THOC2: variants seen among roughly 807,000 people sequenced by gnomAD.
THOC2 encodes the protein THO complex 2.
A neutral mutation model predicts 128.4 loss-of-function variants in THOC2; 10 were observed. That is an observed-to-expected ratio of 0.08 (90% CI 0.05 to 0.13). The LOEUF (loss-of-function observed/expected upper bound fraction) is 0.13. Among genes scored for constraint, THOC2 ranks in the 10% least tolerant of loss-of-function variants. The pLI is 1.00. For missense variants in THOC2, 535 were observed against 1,155.7 expected (o/e 0.46, Z 7.79); for synonymous variants, 393 against 396.9 (o/e 0.99, Z 0.12).
At chrX:123,638,760 TCTC>T (rs2047785362) in intron 17 of THOC2, among the ~76,000 whole-genome samples, 171 bp downstream of exon 17, 1 of 103,553 alleles carries the variant, frequency 9.7e-6, no homozygotes, top group African/African-American at 3.7e-5. Context: ...ACTCTCTCTC[TCTC>T]TCACATACAC....
intron 12 of THOC2, among the ~76,000 whole-genome samples, chrX:123,662,928 T>C (rs893851942): frequency 2.7e-5 from 3 of 111,989 alleles, no homozygotes; most frequent in Admixed American, 9.5e-5. Flanking sequence ...CCCACTAGAA[T>C]GACTAAAACT....
intron 3 of THOC2, among the ~76,000 whole-genome samples, chrX:123,704,085 C>T (rs1236510155): frequency 9.1e-6 from 1 of 110,476 alleles, no homozygotes; most frequent in African/African-American, 3.3e-5. Context: ...AAAACAGAAA[C>T]CTAAACAAGC....
intron 1 of THOC2, among the ~76,000 whole-genome samples, chrX:123,718,342 A>T (rs1482841343): frequency 8.9e-6 from 1 of 112,362 alleles, no homozygotes; most frequent in Non-Finnish European, 1.9e-5. Flanking sequence ...AAAAATCCTA[A>T]AAGAAAAAAT....
chrX:123,691,952 G>A (rs994685224), intron 7 of THOC2, among the ~76,000 whole-genome samples: 1 of 111,655 alleles, frequency 9.0e-6, no homozygotes, highest in South Asian at 3.7e-4. Flanking sequence ...CTGTTTTTAC[G>A]CTGTTTTTAC....
intron 7 of THOC2, among the ~76,000 whole-genome samples, chrX:123,694,152 G>A (rs1208244824): frequency 1.8e-5 from 2 of 109,617 alleles, no homozygotes; most frequent in Non-Finnish European, 3.8e-5. Flanking sequence ...CAACAAAAAA[G>A]GATATAAAGT....
At chrX:123,649,868 T>G (rs1031052379) in intron 12 of THOC2, among the ~76,000 whole-genome samples, 1 of 111,696 alleles carries the variant, frequency 9.0e-6, no homozygotes, top group Admixed American at 9.5e-5. Flanking sequence ...TGGAACCAAG[T>G]TGGAAAACAC....
In THOC2 at chrX:123,601,114, TA is replaced by T. The variant is rs1172493461; in HGVS notation, c.*242del. On this transcript the variant is annotated 3_prime_UTR_variant, in exon 39 of 39. Transcript: ENST00000245838. The stretch of plus-strand genomic sequence containing the variant: ...CATTGTGCTAAAAGTATGGAACAGT[TA>T]ACACTTTCAGCCATTACTGAAAATA... 3.6e-5 allele frequency: 4 copies of T among 112,372 alleles called. No individual in the cohort carries two copies. The highest frequency in any genetic ancestry group is 1.9e-4 in the Admixed American group (2 of 10,585). 9.3% of individuals were successfully genotyped at this position (112,372 alleles called of 1,213,427 possible).
rs1169407573 is a variant in THOC2, at chrX:123,606,054, C to A, written c.*19-4716G>T. On this transcript the variant is annotated intron_variant, in intron 38 of 38. Coordinates refer to ENST00000245838, the MANE Select transcript of THOC2 (RefSeq NM_001081550.2). ...CACAATGTTACCAGATGTTCCAATCCTTCAAGAAAAACTGAAATTTGGATT... is the reference window on the plus strand; with the variant it reads ...CACAATGTTACCAGATGTTCCAATCATTCAAGAAAAACTGAAATTTGGATT... Among the ~76,000 whole-genome samples, 3 of 111,105 alleles carry A rather than the reference C, an allele frequency of 2.7e-5. No homozygotes were observed. The East Asian group carries it at 8.5e-4, about 31-fold the overall frequency.
At chrX:123,672,059 G>A (rs1016035258) in intron 8 of THOC2, among the ~76,000 whole-genome samples, 6 of 112,251 alleles carry the variant, frequency 5.3e-5, no homozygotes, top group Non-Finnish European at 9.4e-5. Flanking sequence ...GCATAAGTGA[G>A]ATTTTATAAT....
chrX:123,660,086 C>A (rs967883123), intron 12 of THOC2, among the ~76,000 whole-genome samples: 10 of 112,008 alleles, frequency 8.9e-5, no homozygotes, highest in African/African-American at 3.3e-5. Context: ...TCTTCTTACA[C>A]TGGTCTCTAT....
intron 31 of THOC2, 58 bp from the exon 32 acceptor site, chrX:123,621,023 T>TAA: frequency 2.6e-6 from 3 of 1,171,954 alleles, no homozygotes; most frequent in South Asian, 1.9e-5. Flanking sequence ...TCCAAACACT[T>TAA]AAAAAAAAAC....
intron 9 of THOC2, among the ~76,000 whole-genome samples, chrX:123,671,046 G>T (rs2147816819): frequency 1.8e-5 from 2 of 111,521 alleles, no homozygotes; most frequent in East Asian, 5.6e-4. Context: ...TATACTATTA[G>T]CCTAGATTCT....
chrX:123,691,287 T>C (rs1375353921), intron 7 of THOC2, among the ~76,000 whole-genome samples: 1 of 111,884 alleles, frequency 8.9e-6, no homozygotes, highest in Non-Finnish European at 1.9e-5. Context: ...TTCTTTTTCA[T>C]ACTATGAAGG....
intron 2 of THOC2, 47 bp from the exon 3 acceptor site, chrX:123,706,996 T>C: frequency 3.2e-6 from 2 of 620,300 alleles, no homozygotes; most frequent in South Asian, 1.0e-4. Flanking sequence ...CTCTTGAACA[T>C]GAAAAGTAAA....
chrX:123,622,731 T>G (rs2047132562), intron 30 of THOC2, 27 bp downstream of exon 30: 1 of 987,062 alleles, frequency 1.0e-6, no homozygotes, highest in African/African-American at 1.9e-5. Context: ...GAATTTAGAA[T>G]TATGACACAT....
chrX:123,703,498 C>T lies in THOC2; in HGVS notation c.230G>A (p.Arg77His). The part of the protein sequence containing the change: ...SNVLSDISEF[R>H]EDMPSILADV... ...AGCAAGAATGGAGGGCATATCCTCACGAAATTCCTAATTTTAAAAATATAA... is the reference window on the plus strand; with the variant it reads ...AGCAAGAATGGAGGGCATATCCTCATGAAATTCCTAATTTTAAAAATATAA... Residue 77 changes from arginine to histidine, a missense_variant, in exon 4 of 39, where the codon CGT (arginine) becomes CAT (histidine). Arg to His is a conservative substitution (Grantham distance 29). This residue lies in a region of THOC2 where 61 missense variants were observed against 84.3 expected (regional missense o/e 0.72). Coordinates refer to ENST00000245838, the MANE Select transcript of THOC2 (RefSeq NM_001081550.2). The T allele has an allele frequency of 8.6e-6, 10 of 1,157,297 alleles. No individual in the cohort carries two copies. The highest frequency in any genetic ancestry group is 2.4e-4 in the Middle Eastern group (1 of 4,172).
intron 32 of THOC2, chrX:123,619,666 C>G (rs2047014922): frequency 5.6e-6 from 2 of 356,662 alleles, no homozygotes; most frequent in East Asian, 9.2e-5. Context: ...AAATCTTTCT[C>G]TGCTCAGAAT....
rs2049279912 is a variant in THOC2 at position 123,671,569 on chromosome X, T to C, written c.861+100A>G. ...CTTCAAAGAGTGAGACTTGAGAACC[T>C]CGAACCAACCCAATCCTGGGGGTGC... On this transcript the variant is annotated intron_variant, in intron 9 of 38. Transcript: ENST00000245838. 2.0e-5 allele frequency: 9 copies of C among 446,076 alleles called. No homozygotes were observed. The South Asian group carries it at 5.9e-4, about 29-fold the overall frequency. 36.8% of individuals were successfully genotyped at this position (446,076 alleles called of 1,213,427 possible).
chrX:123,636,950 C>T (rs1050254869), intron 18 of THOC2, among the ~76,000 whole-genome samples: 6 of 111,884 alleles, frequency 5.4e-5, no homozygotes, highest in Admixed American at 1.9e-4. Context: ...AAAAGAGGAG[C>T]GCCCAATTCA....
Sources: allele counts gnomAD v4.1 joint callset (sites outside exome capture counted in the v4.1 genomes callset), GRCh38; gene constraint gnomAD v4.1.1; regional missense constraint gnomAD v4.1.1; transcripts MANE v1.5; gene names NCBI Gene and HGNC (gene_info 2026-07-23, HGNC 2026-07-21).